The following PALLD variants were observed in gnomAD, a reference collection of about 807,000 sequenced individuals.
PALLD encodes the protein palladin, cytoskeletal associated protein.
PALLD carries 61 observed loss-of-function variants against 123.5 expected under a neutral mutation model. The ratio of observed to expected loss-of-function variants is 0.49; its 90% CI spans 0.40 to 0.61. The LOEUF (loss-of-function observed/expected upper bound fraction) is 0.61, where lower values mean the gene tolerates loss of function less well. PALLD is among the 20% of genes least tolerant of loss of function. The pLI, the probability that PALLD is intolerant of heterozygous loss-of-function variation, is 0.00. For synonymous variants in PALLD, 465 were observed against 496.4 expected, an observed-to-expected ratio of 0.94 and a Z score of 0.84; for missense variants, 1,273 against 1,377.0, an observed-to-expected ratio of 0.92 and a Z score of 1.20.
At chr4:168,567,411 T>C (rs1253916288) in intron 2 of PALLD, among the ~76,000 whole-genome samples, 1 of 151,638 alleles carries the variant, frequency 6.6e-6, no homozygotes, top group African/African-American at 2.4e-5. Context: ...AAAAAACATA[T>C]GAAAAAATGC....
intron 2 of PALLD, among the ~76,000 whole-genome samples, chr4:168,653,700 G>A (rs1172586067): frequency 6.6e-6 from 1 of 152,088 alleles, no homozygotes; most frequent in East Asian, 1.9e-4. Flanking sequence ...TTGCTTGTTT[G>A]TTTGTTTGTT....
intron 2 of PALLD, among the ~76,000 whole-genome samples, chr4:168,550,185 G>C (rs981984131): frequency 6.6e-6 from 1 of 152,130 alleles, no homozygotes; most frequent in Non-Finnish European, 1.5e-5. Context: ...TGGAACTAAA[G>C]CACACTTAAT....
chr4:168,531,527 T>C (rs572456922), intron 2 of PALLD, among the ~76,000 whole-genome samples: 1 of 152,298 alleles, frequency 6.6e-6, no homozygotes, highest in South Asian at 2.1e-4. Context: ...CACTGGACAC[T>C]GAGTGATACC....
At chr4:168,875,701 T>C (rs958733397) in intron 10 of PALLD, among the ~76,000 whole-genome samples, 2 of 152,236 alleles carry the variant, frequency 1.3e-5, no homozygotes, top group African/African-American at 4.8e-5. Flanking sequence ...ATACTAAAGT[T>C]AGCGCTTCCA....
At chr4:168,499,237 AAGGAAGGGAGAAGGGAGGG>A (rs1346002111) in intron 1 of PALLD, among the ~76,000 whole-genome samples, 1 of 119,294 alleles carries the variant, frequency 8.4e-6, no homozygotes, top group Non-Finnish European at 1.7e-5. Context: ...GACGGGGAAG[AAGGAAGGGAGAAGGGAGGG>A]AGGAAGGGAG....
chr4:168,668,148 C>T, intron 2 of PALLD, 42 bp from the exon 3 acceptor site: 1 of 1,520,894 alleles, frequency 6.6e-7, no homozygotes, highest in Non-Finnish European at 9.1e-7. Context: ...TCACCATTTC[C>T]TTTCTTTCCC....
chr4:168,714,963 T>C (rs976962750), intron 10 of PALLD, among the ~76,000 whole-genome samples: 1 of 151,680 alleles, frequency 6.6e-6, no homozygotes, highest in Non-Finnish European at 1.5e-5. Flanking sequence ...GGAAGGGCCA[T>C]GAGCTCTTTT....
intron 1 of PALLD, among the ~76,000 whole-genome samples, chr4:168,510,719 T>C (rs545483672): frequency 2.6e-5 from 4 of 152,260 alleles, no homozygotes; most frequent in African/African-American, 7.2e-5. Context: ...TAAAGTTTTA[T>C]TGGCACACAG....
At chr4:168,592,163 C>T (rs574075932) in intron 2 of PALLD, among the ~76,000 whole-genome samples, 9 of 151,836 alleles carry the variant, frequency 5.9e-5, no homozygotes, top group African/African-American at 1.9e-4. Flanking sequence ...ATTACAGGTG[C>T]GCACCACCAC....
intron 10 of PALLD, among the ~76,000 whole-genome samples, chr4:168,741,656 C>G (rs1788354030): frequency 6.6e-6 from 1 of 151,876 alleles, no homozygotes; most frequent in African/African-American, 2.4e-5. Context: ...TGCGCTCCAG[C>G]CTAGACGACA....
chr4:168,506,778 T>C (rs1469199224), intron 1 of PALLD, among the ~76,000 whole-genome samples: 2 of 152,212 alleles, frequency 1.3e-5, no homozygotes. Context: ...TTTCCTTCCA[T>C]GTAGCAATCT....
intron 2 of PALLD, among the ~76,000 whole-genome samples, chr4:168,618,207 G>A (rs551097967): frequency 1.3e-5 from 2 of 152,234 alleles, no homozygotes; most frequent in East Asian, 1.9e-4. Flanking sequence ...TCTGTAGAAA[G>A]GAACTCATCT....
At chr4:168,717,107 G>T (rs1253433009) in intron 10 of PALLD, among the ~76,000 whole-genome samples, 1 of 151,572 alleles carries the variant, frequency 6.6e-6, no homozygotes, top group African/African-American at 2.4e-5. Context: ...CTTGCTTTTT[G>T]TTTTTTTTAA....
At position 168,890,606 on chromosome 4, in the gene PALLD, T is replaced by C. The variant is rs4692676; in HGVS notation, c.1965-316T>C. Reference sequence around the variant, plus strand: ...CAGATTTTAAACCTAGCTCTACTTATAAATCATATCATTCTTTCACTTTAT... The same window carrying C: ...CAGATTTTAAACCTAGCTCTACTTACAAATCATATCATTCTTTCACTTTAT... On this transcript the variant is annotated intron_variant, in intron 10 of 21. Coordinates refer to ENST00000505667, the MANE Select transcript of PALLD (RefSeq NM_001166108.2). Among the ~76,000 whole-genome samples, 114,615 of 151,886 alleles carry C rather than the reference T, an allele frequency of 0.75. 43,538 individuals carry two copies. The highest frequency in any genetic ancestry group is 0.96 in the East Asian group (4,964 of 5,166).
intron 10 of PALLD, among the ~76,000 whole-genome samples, chr4:168,758,298 G>A (rs62333926): frequency 0.13 from 19,995 of 152,038 alleles, 1,649 homozygotes; most frequent in Non-Finnish European, 0.19. Context: ...CTCAGACATT[G>A]ATCCAACTCA....
chr4:168,925,771 A>G (rs1762468695), intron 21 of PALLD, among the ~76,000 whole-genome samples: 1 of 152,184 alleles, frequency 6.6e-6, no homozygotes, highest in African/African-American at 2.4e-5. Flanking sequence ...GAGGGTCATC[A>G]AGAAATGTGT....
rs1561396895 is a variant in PALLD, at chr4:168,685,504, ATC to A, written c.1284_1285del (p.Cys429ProfsTer3). On this transcript the variant is annotated frameshift_variant, in exon 6 of 22. Coordinates refer to ENST00000505667, the MANE Select transcript of PALLD (RefSeq NM_001166108.2). LOFTEE classifies it high-confidence loss of function. ...TTGCAGGTTCACAGTCCAACTTCATATCTCTGCCGACCTGATGGAACCACTAC... is the reference window on the plus strand; with the variant it reads ...TTGCAGGTTCACAGTCCAACTTCATATCTGCCGACCTGATGGAACCACTAC... 1 of 1,612,008 alleles carries A rather than the reference ATC, an allele frequency of 6.2e-7. No homozygotes were observed.
At chr4:168,913,838 T>G (rs1759555215) in intron 15 of PALLD, 89 bp from the exon 16 acceptor site, 8 of 902,170 alleles carry the variant, frequency 8.9e-6, no homozygotes, top group Non-Finnish European at 1.5e-5. Context: ...TGAAATAATG[T>G]CTTATAGAGA....
Position 168,927,345 on chromosome 4 carries a change from G to C in PALLD, c.*1165G>C. ...TTCAAACATAGGTGAAAAAAACACT[G>C]CCATTCACAAGTCAAGGAACCCAGG... On this transcript the variant is annotated 3_prime_UTR_variant, in exon 22 of 22. Coordinates refer to ENST00000505667, the MANE Select transcript of PALLD (RefSeq NM_001166108.2). The C allele has an allele frequency of 4.3e-6, 1 of 232,514 alleles. No homozygotes were observed. The highest frequency in any genetic ancestry group is 8.5e-6 in the Non-Finnish European group (1 of 117,366). 14.4% of individuals were successfully genotyped at this position (232,514 alleles called of 1,614,324 possible). A position where few individuals can be genotyped will look rare whatever the true frequency, so the allele number is the denominator to read the frequency against.
Sources: allele counts gnomAD v4.1 joint callset (sites outside exome capture counted in the v4.1 genomes callset), GRCh38; gene constraint gnomAD v4.1.1; transcripts MANE v1.5; gene names NCBI Gene and HGNC (gene_info 2026-07-23, HGNC 2026-07-21).